Variants in ANKRD36B observed in about 807,000 individuals in gnomAD.
ANKRD36B encodes ankyrin repeat domain-containing protein 36B.
ANKRD36B carries 37 observed loss-of-function variants against 135.7 expected under a neutral mutation model. The observed-to-expected ratio is 0.27, with a 90% CI of 0.21 to 0.36. ANKRD36B has a LOEUF of 0.36. Among genes scored for constraint, ANKRD36B ranks in the 10% least tolerant of loss-of-function variants. ANKRD36B has a pLI of 1.00. For synonymous variants in ANKRD36B, 179 were observed against 348.1 expected (o/e 0.51, Z 5.41); for missense variants, 549 against 1,037.1 (o/e 0.53, Z 6.46).
intron 38 of ANKRD36B, among the ~76,000 whole-genome samples, chr2:97,512,312 TA>T (rs1254895219): frequency 1.1e-5 from 1 of 88,400 alleles, no homozygotes; most frequent in Admixed American, 1.2e-4. Context: ...AATTTCAGGA[TA>T]AAAAAAGGCT....
rs1293961809 is a variant in ANKRD36B, at chr2:97,555,212, G to T, written c.1098+14C>A. The T allele has an allele frequency of 2.5e-6, 4 of 1,611,054 alleles. No individual in the cohort carries two copies. The Admixed American group carries it at 5.0e-5, about 20-fold the overall frequency. On this transcript the variant is annotated intron_variant, in intron 13 of 43. Coordinates refer to ENST00000359901, the MANE Select transcript of ANKRD36B (RefSeq NM_001393939.1). ...ACAGTTACTAATACAAAATATAAAT[G>T]AGAATTTAATTACCTTTGAGGCTGG...
intron 10 of ANKRD36B, among the ~76,000 whole-genome samples, chr2:97,557,656 T>C (rs113353056): frequency 2.0e-5 from 3 of 151,822 alleles, no homozygotes; most frequent in Non-Finnish European, 4.4e-5. Context: ...GTGGCCCAGC[T>C]TCAACAGCTT....
chr2:97,532,807 G>T lies in ANKRD36B; in HGVS notation c.2192-423C>A, dbSNP rs575564938. On this transcript the variant is annotated intron_variant, in intron 34 of 43. Transcript: ENST00000359901. ...CGAAGCTTAATCTTTAGTATAATAT[G>T]TACTTCTTTAAGAAAGGCTTTTAAT... 7.1e-3 allele frequency among the ~76,000 whole-genome samples: 671 copies of T among 93,908 alleles called. 254 individuals are homozygous for T. The highest frequency in any genetic ancestry group is 0.016 in the Non-Finnish European group (566 of 35,496). The allele number at this position is 93,908 out of a possible 152,430, so 61.6% of individuals were successfully genotyped here. A position where few individuals can be genotyped will look rare whatever the true frequency, so the allele number is the denominator to read the frequency against.
chr2:97,530,197 C>T (rs1234870183), intron 35 of ANKRD36B, among the ~76,000 whole-genome samples: 1 of 95,526 alleles, frequency 1.0e-5, no homozygotes, highest in Non-Finnish European at 2.8e-5. Context: ...GTACTGGTAC[C>T]AAAACAGAGA....
chr2:97,530,745 G>A lies in ANKRD36B; in HGVS notation c.2265+1566C>T, dbSNP rs1393037774. Among the ~76,000 whole-genome samples, 411 of 97,202 alleles carry A rather than the reference G, an allele frequency of 4.2e-3. 93 individuals are homozygous for A. The highest frequency in any genetic ancestry group is 0.012 in the African/African-American group (387 of 32,502). The allele number at this position is 97,202 out of a possible 152,430, so 63.8% of individuals were successfully genotyped here. A position where few individuals can be genotyped will look rare whatever the true frequency, so the allele number is the denominator to read the frequency against. Reference sequence around the variant, plus strand: ...ACAACCCCATCAAAAAGTGGGCAAAGGATATCAACAGACACTTCTCAAAAG... The same window carrying A: ...ACAACCCCATCAAAAAGTGGGCAAAAGATATCAACAGACACTTCTCAAAAG... On this transcript the variant is annotated intron_variant, in intron 35 of 43. Coordinates refer to ENST00000359901, the MANE Select transcript of ANKRD36B (RefSeq NM_001393939.1).
intron 6 of ANKRD36B, among the ~76,000 whole-genome samples, chr2:97,566,369 G>A (rs1266361668): frequency 6.6e-6 from 1 of 151,686 alleles, no homozygotes; most frequent in Non-Finnish European, 1.5e-5. Flanking sequence ...GACCTTATAG[G>A]AAAAAAAGTA....
chr2:97,570,787 G>C (rs1363779617), intron 6 of ANKRD36B, among the ~76,000 whole-genome samples: 1 of 152,186 alleles, frequency 6.6e-6, no homozygotes, highest in Non-Finnish European at 1.5e-5. Context: ...TCAAAGCCCA[G>C]AGTAGGACTG....
intron 20 of ANKRD36B, among the ~76,000 whole-genome samples, chr2:97,548,378 CA>C (rs1279035982): frequency 6.6e-6 from 1 of 151,952 alleles, no homozygotes; most frequent in Non-Finnish European, 1.5e-5. Context: ...AAAGTTTCTT[CA>C]TCCAGTCGTG....
chr2:97,558,084 G>T (rs1160556280), intron 10 of ANKRD36B, among the ~76,000 whole-genome samples: 2 of 151,794 alleles, frequency 1.3e-5, no homozygotes, highest in African/African-American at 2.4e-5. Context: ...GCCAATATAC[G>T]CATATTCATG....
At chr2:97,494,502 GA>G (rs1476905927) in intron 43 of ANKRD36B, among the ~76,000 whole-genome samples, 1 of 107,158 alleles carries the variant, frequency 9.3e-6, no homozygotes, top group Non-Finnish European at 2.6e-5. Context: ...ACTCATTAGT[GA>G]AAAAAGGGCA....
chr2:97,582,859 T>C (rs1200272153), intron 3 of ANKRD36B, among the ~76,000 whole-genome samples: 1 of 152,150 alleles, frequency 6.6e-6, no homozygotes, highest in Non-Finnish European at 1.5e-5. Flanking sequence ...ATTCATTCAT[T>C]TATAATTTAT....
chr2:97,568,390 T>C (rs2442270), intron 6 of ANKRD36B, among the ~76,000 whole-genome samples: 19 of 152,232 alleles, frequency 1.2e-4, no homozygotes, highest in East Asian at 5.8e-4. Context: ...GGATACAGAG[T>C]AGGGTCAAGG....
Position 97,576,796 on chromosome 2 carries a change from T to C in ANKRD36B, c.696-350A>G, listed in dbSNP as rs189374243. Among the ~76,000 whole-genome samples the C allele has an allele frequency of 2.9e-3, 439 of 152,170 alleles. 1 individual carries two copies. The highest frequency in any genetic ancestry group is 0.01 in the African/African-American group (423 of 41,560). On this transcript the variant is annotated intron_variant, in intron 5 of 43. Transcript: ENST00000359901. ...AGGCACAATGTCTTCTTCTAGATTT[T>C]ACTACCTTCTTTCACTAGGTTGTTA...
At chr2:97,561,040 T>C (rs1042963657) in intron 6 of ANKRD36B, among the ~76,000 whole-genome samples, 180 bp from the exon 7 acceptor site, 3 of 151,316 alleles carry the variant, frequency 2.0e-5, no homozygotes, top group Non-Finnish European at 3.0e-5. Flanking sequence ...CTGAAGAAAA[T>C]AGGAATACAG....
In ANKRD36B at chr2:97,582,593, C is replaced by T. The variant is rs370856104; in HGVS notation, c.451-2025G>A. 2.2e-4 allele frequency among the ~76,000 whole-genome samples: 34 copies of T among 152,268 alleles called. No homozygotes were observed. In the East Asian group the frequency reaches 4.8e-3, roughly 22 times the overall value. ...GAAGCTTGGAATCCAGATCTGTGCA[C>T]GAGTCTCCTAAACCTTCCATGTTGA... is the stretch of plus-strand genomic sequence containing the variant. On this transcript the variant is annotated intron_variant, in intron 3 of 43. Transcript: ENST00000359901.
rs2077405088 is a variant in ANKRD36B, at chr2:97,508,369, C to CTTT, written c.3874-307_3874-305dup. On this transcript the variant is annotated intron_variant, in intron 40 of 43. Transcript: ENST00000359901. ...AAGCCTTACATAATACTATCTGGCC[C>CTTT]TTTACAGAAAAGTTCACAGACCCCT... Among the ~76,000 whole-genome samples the CTTT allele has an allele frequency of 2.3e-5, 2 of 86,446 alleles. 1 individual carries two copies. Among genetic ancestry groups the CTTT allele is most frequent in the East Asian group, 5.6e-4 (2 of 3,562 alleles). The allele number at this position is 86,446 out of a possible 152,430, so 56.7% of individuals were successfully genotyped here.
chr2:97,573,294 T>A (rs1035509388), intron 6 of ANKRD36B, among the ~76,000 whole-genome samples: 2 of 152,218 alleles, frequency 1.3e-5, no homozygotes, highest in African/African-American at 4.8e-5. Context: ...GTGCCACATT[T>A]TCTTAATCCA....
chr2:97,582,941 T>A (rs1448837640), intron 3 of ANKRD36B, among the ~76,000 whole-genome samples: 1 of 152,090 alleles, frequency 6.6e-6, no homozygotes, highest in African/African-American at 2.4e-5. Flanking sequence ...ATTATTAAAA[T>A]AATATTAAAT....
At chr2:97,586,004 A>G (rs2082954918) in intron 1 of ANKRD36B, among the ~76,000 whole-genome samples, 1 of 152,210 alleles carries the variant, frequency 6.6e-6, no homozygotes, top group Non-Finnish European at 1.5e-5. Flanking sequence ...TTACATTTAT[A>G]ACTGGCAACA....
Sources: gnomAD v4.1 joint callset for allele counts (sites outside exome capture counted in the v4.1 genomes callset) on GRCh38, gnomAD v4.1.1 for gene constraint, MANE v1.5 for transcripts, NCBI Gene and HGNC (gene_info 2026-07-23, HGNC 2026-07-21) for gene names.